SCFD2: variants seen among roughly 807,000 people sequenced by gnomAD.
The protein encoded by SCFD2 is sec1 family domain containing 2, also known as sec1 family domain-containing protein 2.
Under a neutral mutation model 58.9 loss-of-function variants are expected in SCFD2, and 54 were observed. That is an observed-to-expected ratio of 0.92 (90% CI 0.74 to 1.15). The LOEUF is 1.15. Ranked by LOEUF, SCFD2 falls within the 50% of genes most tolerant of loss-of-function variation. SCFD2 has a pLI of 0.00. For missense variants in SCFD2, 805 were observed against 836.6 expected, an observed-to-expected ratio of 0.96 and a Z score of 0.47; for synonymous variants, 321 against 335.9, an observed-to-expected ratio of 0.96 and a Z score of 0.49.
chr4:52,881,324 C>A (rs958756612), intron 8 of SCFD2, among the ~76,000 whole-genome samples: 1 of 152,338 alleles, frequency 6.6e-6, no homozygotes, highest in East Asian at 1.9e-4. Context: ...AGCTCCAAAG[C>A]CTTCTCCATG....
At chr4:53,101,419 GATTCTAGTTAACAGTA>G (rs1474906355) in intron 5 of SCFD2, among the ~76,000 whole-genome samples, 13 of 152,286 alleles carry the variant, frequency 8.5e-5, no homozygotes, top group African/African-American at 3.1e-4. Context: ...GGTTCCAGTA[GATTCTAGTTAACAGTA>G]ATGTGTGAAG....
intron 5 of SCFD2, among the ~76,000 whole-genome samples, chr4:53,044,412 C>A (rs948505514): frequency 8.5e-5 from 13 of 152,102 alleles, no homozygotes; most frequent in African/African-American, 3.1e-4. Flanking sequence ...TCTTGCACTT[C>A]GAACTCTGTC....
chr4:53,015,763 A>G (rs1368945816), intron 5 of SCFD2, among the ~76,000 whole-genome samples: 1 of 152,170 alleles, frequency 6.6e-6, no homozygotes, highest in Non-Finnish European at 1.5e-5. Flanking sequence ...GAGAAATAGC[A>G]AATTGATAAA....
chr4:53,069,602 T>C (rs531450175), intron 5 of SCFD2, among the ~76,000 whole-genome samples: 15 of 152,206 alleles, frequency 9.9e-5, no homozygotes, highest in African/African-American at 3.4e-4. Context: ...AATGCTACTT[T>C]TGTTTATCAA....
At position 53,352,675 on chromosome 4, in the gene SCFD2, G is replaced by A. The variant is rs763253405; in HGVS notation, c.930C>T (p.Asn310=). The A allele has an allele frequency of 6.2e-7, 1 of 1,613,972 alleles. No individual in the cohort carries two copies. Among genetic ancestry groups the A allele is most frequent in the Admixed American group, 1.7e-5 (1 of 60,022 alleles). ...LPGHTNDVMV[N]MIALTALHTE... is the part of the protein sequence containing the mutation. The stretch of plus-strand genomic sequence containing the variant: ...TATGGAGTGCAGTGAGCGCTATCAT[G>A]TTAACCATCACATCATTTGTGTGGC... The change falls in exon 2 of 9, where the codon AAC becomes AAT. Residue 310 remains asparagine, a synonymous_variant. Coordinates refer to ENST00000401642, the MANE Select transcript of SCFD2 (RefSeq NM_152540.4).
chr4:52,961,811 G>C (rs1053019666), intron 5 of SCFD2, among the ~76,000 whole-genome samples: 2 of 152,214 alleles, frequency 1.3e-5, no homozygotes, highest in Non-Finnish European at 2.9e-5. Context: ...TGCAGATTCT[G>C]TGTAGATGGT....
intron 5 of SCFD2, among the ~76,000 whole-genome samples, chr4:53,136,679 C>T (rs1725952479): frequency 6.6e-6 from 1 of 152,148 alleles, no homozygotes; most frequent in Admixed American, 6.5e-5. Flanking sequence ...GATATTTGGG[C>T]TACATTTATT....
At chr4:53,180,210 A>C (rs1274561122) in intron 4 of SCFD2, among the ~76,000 whole-genome samples, 1 of 152,196 alleles carries the variant, frequency 6.6e-6, no homozygotes, top group Non-Finnish European at 1.5e-5. Flanking sequence ...TCTTTTCAGC[A>C]CCACAACACA....
chr4:53,294,249 C>T (rs1180356358), intron 3 of SCFD2, among the ~76,000 whole-genome samples: 1 of 152,170 alleles, frequency 6.6e-6, no homozygotes, highest in Non-Finnish European at 1.5e-5. Flanking sequence ...AACTAATTTA[C>T]ACTCCCACCA....
chr4:53,155,963 G>C (rs564183788), intron 4 of SCFD2, among the ~76,000 whole-genome samples: 4 of 152,190 alleles, frequency 2.6e-5, no homozygotes, highest in African/African-American at 4.8e-5. Flanking sequence ...GGGTAAATTT[G>C]CAGGTAACAA....
chr4:53,124,596 T>C (rs2148894760), intron 5 of SCFD2, among the ~76,000 whole-genome samples: 1 of 152,328 alleles, frequency 6.6e-6, no homozygotes, highest in South Asian at 2.1e-4. Flanking sequence ...AAGTCCATGA[T>C]AGTGTAAGCA....
chr4:53,215,015 T>A (rs1237185327), intron 4 of SCFD2, among the ~76,000 whole-genome samples: 1 of 152,144 alleles, frequency 6.6e-6, no homozygotes, highest in Non-Finnish European at 1.5e-5. Context: ...GGTCTATATC[T>A]CTGTTTTGGT....
chr4:52,934,830 T>C (rs1321816848), intron 5 of SCFD2, among the ~76,000 whole-genome samples: 1 of 152,230 alleles, frequency 6.6e-6, no homozygotes, highest in Non-Finnish European at 1.5e-5. Context: ...AATCAATGTG[T>C]TTGATTTATT....
intron 5 of SCFD2, among the ~76,000 whole-genome samples, chr4:53,095,660 C>A (rs1044588265): frequency 3.3e-5 from 5 of 152,122 alleles, no homozygotes; most frequent in Non-Finnish European, 5.9e-5. Flanking sequence ...AGGGTTAAAA[C>A]CTAAGTGCTT....
chr4:53,250,763 A>G lies in SCFD2; in HGVS notation c.1311+23063T>C, dbSNP rs111667612. Among the ~76,000 whole-genome samples, 73 of 152,356 alleles carry G rather than the reference A, an allele frequency of 4.8e-4. 1 individual carries two copies. Among genetic ancestry groups the G allele is most frequent in the South Asian group, 2.1e-3 (10 of 4,832 alleles). On this transcript the variant is annotated intron_variant, in intron 4 of 8. Transcript: ENST00000401642. ...CAAAGCAGTGTGTAGAGGGAAATAT[A>G]TAGCACTAAATGCCCACAAGAGAAA...
chr4:53,305,259 T>C (rs1732477048), intron 3 of SCFD2, among the ~76,000 whole-genome samples: 1 of 152,250 alleles, frequency 6.6e-6, no homozygotes, highest in Non-Finnish European at 1.5e-5. Flanking sequence ...TGTTCTCTTC[T>C]AAGAGTGTTA....
At chr4:52,887,070 T>C (rs1372062983) in intron 7 of SCFD2, among the ~76,000 whole-genome samples, 2 of 152,246 alleles carry the variant, frequency 1.3e-5, no homozygotes, top group African/African-American at 4.8e-5. Context: ...CTCATCCTCC[T>C]GGTTTATGCT....
intron 5 of SCFD2, among the ~76,000 whole-genome samples, chr4:53,025,292 A>C (rs139528443): frequency 1.3e-5 from 2 of 152,360 alleles, no homozygotes; most frequent in Non-Finnish European, 2.9e-5. Flanking sequence ...TGAAGCACAG[A>C]TAGGGATATC....
chr4:52,973,371 T>C (rs950403701), intron 5 of SCFD2, among the ~76,000 whole-genome samples: 2 of 152,158 alleles, frequency 1.3e-5, no homozygotes, highest in Non-Finnish European at 2.9e-5. Context: ...CAAACTACCA[T>C]CAGAGAATAC....
Sources: allele counts gnomAD v4.1 joint callset (sites outside exome capture counted in the v4.1 genomes callset), GRCh38; gene constraint gnomAD v4.1.1; transcripts MANE v1.5; gene names NCBI Gene and HGNC (gene_info 2026-07-23, HGNC 2026-07-21).